CNTN5: variants seen among roughly 807,000 people sequenced by gnomAD.
CNTN5 encodes contactin 5, also known as contactin-5.
In CNTN5, 77 loss-of-function variants were observed where a neutral mutation model predicts 129.1. That is an observed-to-expected ratio of 0.60 (90% CI 0.50 to 0.72). CNTN5 has a LOEUF of 0.72. Ranked by LOEUF, CNTN5 falls within the 30% of genes least tolerant of loss-of-function variation. The probability of loss-of-function intolerance (pLI) is 0.00; values close to 1 mark genes in which losing one functional copy is unlikely to be tolerated. For missense variants in CNTN5, 1,478 were observed against 1,328.8 expected (o/e 1.11, Z -1.75); for synonymous variants, 509 against 465.6 (o/e 1.09, Z -1.20).
chr11:100,288,855 C>T (rs1366156496), intron 18 of CNTN5, among the ~76,000 whole-genome samples: 3 of 151,972 alleles, frequency 2.0e-5, no homozygotes, highest in South Asian at 4.1e-4. Flanking sequence ...AATTGATAGA[C>T]CGCTAGCAAG....
chr11:99,862,049 C>T (rs866662838), intron 6 of CNTN5, among the ~76,000 whole-genome samples: 2 of 152,156 alleles, frequency 1.3e-5, no homozygotes, highest in South Asian at 4.1e-4. Context: ...TAATTACATA[C>T]AATATTTTTT....
At chr11:99,837,866 G>C (rs1264486578) in intron 4 of CNTN5, among the ~76,000 whole-genome samples, 1 of 151,854 alleles carries the variant, frequency 6.6e-6, no homozygotes, top group Non-Finnish European at 1.5e-5. Context: ...CTTTGTTTTA[G>C]TAAAAGCTAA....
intron 3 of CNTN5, among the ~76,000 whole-genome samples, chr11:99,582,368 G>C (rs1006386849): frequency 6.6e-6 from 1 of 152,074 alleles, no homozygotes; most frequent in Non-Finnish European, 1.5e-5. Flanking sequence ...TTTGAATGTT[G>C]GCCTGCCTTG....
intron 3 of CNTN5, among the ~76,000 whole-genome samples, chr11:99,590,122 C>T (rs754951548): frequency 8.6e-5 from 13 of 151,228 alleles, no homozygotes; most frequent in Non-Finnish European, 1.3e-4. Context: ...TCTATGTAAG[C>T]GGAAGAGAAA....
intron 15 of CNTN5, among the ~76,000 whole-genome samples, chr11:100,199,690 C>G (rs74630762): frequency 6.6e-6 from 1 of 151,808 alleles, no homozygotes; most frequent in East Asian, 1.9e-4. Context: ...ATTCCGAAAG[C>G]AAATAAGAAT....
chr11:99,736,015 CTTT>C (rs149008392), intron 3 of CNTN5, among the ~76,000 whole-genome samples: 14 of 151,780 alleles, frequency 9.2e-5, no homozygotes, highest in Admixed American at 9.2e-4. Flanking sequence ...TTTTCTTTCT[CTTT>C]TTTTTCTCTC....
chr11:99,261,324 G>C (rs1347452263), intron 1 of CNTN5, among the ~76,000 whole-genome samples: 1 of 151,888 alleles, frequency 6.6e-6, no homozygotes, highest in East Asian at 1.9e-4. Flanking sequence ...CTTCATAAGG[G>C]CAACAAAATA....
intron 1 of CNTN5, among the ~76,000 whole-genome samples, chr11:99,206,363 T>C (rs1472047875): frequency 6.6e-6 from 1 of 152,048 alleles, no homozygotes; most frequent in East Asian, 1.9e-4. Flanking sequence ...GGATGATTCT[T>C]CCCATAAAAG....
intron 2 of CNTN5, among the ~76,000 whole-genome samples, chr11:99,449,173 C>A (rs1050216895): frequency 2.6e-5 from 4 of 152,096 alleles, no homozygotes; most frequent in African/African-American, 9.7e-5. Context: ...CTACTCGTTT[C>A]TTTAAGGAAC....
At chr11:99,591,330 A>G (rs967926327) in intron 3 of CNTN5, among the ~76,000 whole-genome samples, 7 of 133,722 alleles carry the variant, frequency 5.2e-5, no homozygotes, top group African/African-American at 2.0e-4. Flanking sequence ...ACATGACTCA[A>G]CAAAACCTTT....
At chr11:100,166,512 T>C (rs1208582787) in intron 13 of CNTN5, among the ~76,000 whole-genome samples, 1 of 151,802 alleles carries the variant, frequency 6.6e-6, no homozygotes, top group Non-Finnish European at 1.5e-5. Context: ...AATAAGGAGT[T>C]AATACTAATG....
rs549291140 is a variant in CNTN5 at position 100,321,649 on chromosome 11, G to A, written c.2730+13181G>A. ...TCCAGACCTTAAAGGAAAAGCCTTC[G>A]GCTTTTCCCTGTTTAGAATGATGTT... is the stretch of plus-strand genomic sequence containing the variant. On this transcript the variant is annotated intron_variant, in intron 21 of 24. Coordinates refer to ENST00000524871, the MANE Select transcript of CNTN5 (RefSeq NM_014361.4). 1.4e-4 allele frequency among the ~76,000 whole-genome samples: 22 copies of A among 152,066 alleles called. No individual in the cohort carries two copies. In the East Asian group the frequency reaches 3.1e-3, roughly 21 times the overall value.
chr11:99,417,181 T>C (rs1942695581), intron 2 of CNTN5, among the ~76,000 whole-genome samples: 1 of 152,208 alleles, frequency 6.6e-6, no homozygotes, highest in African/African-American at 2.4e-5. Context: ...GCAGCGTGAA[T>C]ACATTTTATA....
At chr11:99,881,968 T>G (rs953197755) in intron 6 of CNTN5, among the ~76,000 whole-genome samples, 1 of 152,192 alleles carries the variant, frequency 6.6e-6, no homozygotes, top group African/African-American at 2.4e-5. Context: ...AATTTACCAC[T>G]ACTCTGCTGA....
intron 8 of CNTN5, among the ~76,000 whole-genome samples, chr11:99,968,470 A>G (rs1951155057): frequency 6.6e-6 from 1 of 152,050 alleles, no homozygotes; most frequent in Admixed American, 6.6e-5. Flanking sequence ...AATTCTGACC[A>G]TGATTACCTA....
intron 2 of CNTN5, among the ~76,000 whole-genome samples, chr11:99,402,960 T>A (rs7927946): frequency 0.75 from 112,664 of 151,194 alleles, 42,846 homozygotes; most frequent in African/African-American, 0.9. Flanking sequence ...CTTTCCTTTT[T>A]TTTTTCTGTC....
chr11:100,151,973 C>CCTAT lies in CNTN5; in HGVS notation c.1581-39150_1581-39147dup, dbSNP rs528573543. On this transcript the variant is annotated intron_variant, in intron 13 of 24. Coordinates refer to ENST00000524871, the MANE Select transcript of CNTN5 (RefSeq NM_014361.4). ...CTTTCAGACAGAATTCTCTCCTGAT[C>CCTAT]CTATCTGCTAGTTTTTCTGAAACTC... Among the ~76,000 whole-genome samples the CCTAT allele has an allele frequency of 1.4e-3, 214 of 152,242 alleles. 1 individual carries two copies. The highest frequency in any genetic ancestry group is 5.0e-3 in the African/African-American group (209 of 41,550).
chr11:99,933,326 G>A lies in CNTN5; in HGVS notation c.673+17177G>A, dbSNP rs76074828. Among the ~76,000 whole-genome samples, 507 of 152,110 alleles carry A rather than the reference G, an allele frequency of 3.3e-3. 3 individuals are homozygous for A. Among genetic ancestry groups the A allele is most frequent in the Admixed American group, 7.9e-3 (121 of 15,268 alleles). On this transcript the variant is annotated intron_variant, in intron 7 of 24. Coordinates refer to ENST00000524871, the MANE Select transcript of CNTN5 (RefSeq NM_014361.4). ...TGTTTTATGTCACTTATTAAATATG[G>A]ATCATTTTTAATTAGTTTTATTGAG... is the stretch of plus-strand genomic sequence containing the variant.
At chr11:100,305,912 A>G (rs1565416919) in intron 20 of CNTN5, among the ~76,000 whole-genome samples, 1 of 151,166 alleles carries the variant, frequency 6.6e-6, no homozygotes, top group African/African-American at 2.4e-5. Context: ...TGGACCACAC[A>G]TAAAATACAC....
Sources: gnomAD v4.1 joint callset for allele counts (sites outside exome capture counted in the v4.1 genomes callset) on GRCh38, gnomAD v4.1.1 for gene constraint, MANE v1.5 for transcripts, NCBI Gene and HGNC (gene_info 2026-07-23, HGNC 2026-07-21) for gene names.